The following ATF2 variants were observed in gnomAD, a reference collection of about 807,000 sequenced individuals.
ATF2 encodes the protein activating transcription factor 2, also known as cyclic AMP-dependent transcription factor ATF-2.
In ATF2, 24 loss-of-function variants were observed where a neutral mutation model predicts 60.6. The ratio of observed to expected loss-of-function variants is 0.40; its 90% CI spans 0.29 to 0.56. ATF2 has a LOEUF of 0.56. Among genes scored for constraint, ATF2 ranks in the 20% least tolerant of loss-of-function variants. ATF2 has a pLI of 0.54. For synonymous variants in ATF2, 206 were observed against 215.4 expected (o/e 0.96, Z 0.38); for missense variants, 433 against 607.7 (o/e 0.71, Z 3.02).
intron 2 of ATF2, among the ~76,000 whole-genome samples, chr2:175,142,708 AGAGAGAGAGAGAGTGTGTGT>A (rs1698639646): frequency 7.9e-6 from 1 of 126,936 alleles, no homozygotes; most frequent in African/African-American, 2.8e-5. Flanking sequence ...AGAGAGAGAG[AGAGAGAGAGAGAGTGTGTGT>A]GTGTGTGTGT....
chr2:175,153,003 G>C (rs999866178), intron 1 of ATF2, among the ~76,000 whole-genome samples: 4 of 152,152 alleles, frequency 2.6e-5, no homozygotes, highest in African/African-American at 9.7e-5. Flanking sequence ...TCTTATTTCA[G>C]CAGTTACTCA....
intron 11 of ATF2, among the ~76,000 whole-genome samples, chr2:175,095,183 C>A (rs187806433): frequency 2.0e-5 from 3 of 151,780 alleles, no homozygotes; most frequent in African/African-American, 7.3e-5. Context: ...CTACAACTTC[C>A]GCCTCCTGGG....
At chr2:175,088,776 A>G (rs1694343392) in intron 12 of ATF2, among the ~76,000 whole-genome samples, 1 of 152,144 alleles carries the variant, frequency 6.6e-6, no homozygotes, top group Non-Finnish European at 1.5e-5. Context: ...CTACATTTAT[A>G]AACTGAAAAT....
chr2:175,160,473 A>G (rs1282832797), intron 1 of ATF2, among the ~76,000 whole-genome samples: 1 of 152,230 alleles, frequency 6.6e-6, no homozygotes, highest in Non-Finnish European at 1.5e-5. Flanking sequence ...AAAGTATGTC[A>G]AAATTCAAGT....
chr2:175,098,128 T>C (rs1695063545), intron 10 of ATF2, among the ~76,000 whole-genome samples: 1 of 152,250 alleles, frequency 6.6e-6, no homozygotes, highest in African/African-American at 2.4e-5. Flanking sequence ...GTAAGCTCTC[T>C]AAGAGCAGAG....
At position 175,114,860 on chromosome 2, in the gene ATF2, T is replaced by C. The variant is rs759363674; in HGVS notation, c.456A>G (p.Pro152=). ...ESTTSDEKEV[P]LAQTAQPTSA... ...ATGTGGGCTGTGCAGTTTGTGCCAA[T>C]GGTACTTCCTATTTAACAATGAGAT... Residue 152 remains proline (P), a synonymous_variant, in exon 8 of 14, where the codon CCA becomes CCG. Transcript: ENST00000264110. 1.2e-6 allele frequency: 2 copies of C among 1,611,374 alleles called. No individual in the cohort carries two copies. Among genetic ancestry groups the C allele is most frequent in the Admixed American group, 3.3e-5 (2 of 59,856 alleles).
chr2:175,158,220 AT>A (rs1483865106), intron 1 of ATF2, among the ~76,000 whole-genome samples: 1 of 150,204 alleles, frequency 6.7e-6, no homozygotes, highest in African/African-American at 2.5e-5. Context: ...AGACTAAAGT[AT>A]TTTGAATTCA....
chr2:175,132,981 G>C (rs1697844721), intron 3 of ATF2, among the ~76,000 whole-genome samples: 1 of 151,828 alleles, frequency 6.6e-6, no homozygotes, highest in African/African-American at 2.4e-5. Context: ...AGCTACTTGA[G>C]AGAGGCTGAG....
chr2:175,140,914 T>C (rs1698462677), intron 2 of ATF2, among the ~76,000 whole-genome samples: 1 of 142,710 alleles, frequency 7.0e-6, no homozygotes, highest in Non-Finnish European at 1.5e-5. Context: ...GGAGAATCCC[T>C]TGAGCCTAGG....
intron 4 of ATF2, among the ~76,000 whole-genome samples, chr2:175,127,397 T>C (rs1193198442): frequency 6.6e-6 from 1 of 152,078 alleles, no homozygotes; most frequent in African/African-American, 2.4e-5. Context: ...CAAATATATC[T>C]CCAAAACATA....
intron 10 of ATF2, among the ~76,000 whole-genome samples, chr2:175,106,605 G>A (rs1362995842): frequency 6.6e-6 from 1 of 151,742 alleles, no homozygotes; most frequent in East Asian, 1.9e-4. Context: ...GGAAGCTGGG[G>A]TAGGCAGATC....
intron 10 of ATF2, among the ~76,000 whole-genome samples, chr2:175,110,722 C>T (rs560209531): frequency 5.3e-5 from 8 of 152,222 alleles, no homozygotes; most frequent in Non-Finnish European, 1.0e-4. Flanking sequence ...TCTTGTGCCT[C>T]AGCCACCCGA....
intron 2 of ATF2, among the ~76,000 whole-genome samples, chr2:175,140,202 C>T (rs552354997): frequency 4.6e-5 from 7 of 152,126 alleles, no homozygotes; most frequent in East Asian, 1.9e-4. Context: ...ATCAGCTAGG[C>T]GAAAATGCCA....
chr2:175,135,305 A>C (rs978578442), intron 3 of ATF2, among the ~76,000 whole-genome samples: 3 of 152,174 alleles, frequency 2.0e-5, no homozygotes, highest in African/African-American at 7.2e-5. Flanking sequence ...AAGGTTGTTA[A>C]GGGTGGGGAC....
At chr2:175,080,536 A>T in intron 13 of ATF2, 124 bp downstream of exon 13, 1 of 713,794 alleles carries the variant, frequency 1.4e-6, no homozygotes, top group Non-Finnish European at 2.2e-6. Context: ...AACCTTACAG[A>T]AATTCTGATA....
At chr2:175,146,946 GA>G (rs904785781) in intron 2 of ATF2, among the ~76,000 whole-genome samples, 4 of 151,874 alleles carry the variant, frequency 2.6e-5, no homozygotes, top group Non-Finnish European at 5.9e-5. Context: ...CAGTAGTCAT[GA>G]AAAAAACACT....
At chr2:175,110,358 T>A (rs1308110356) in intron 10 of ATF2, among the ~76,000 whole-genome samples, 2 of 109,186 alleles carry the variant, frequency 1.8e-5, no homozygotes, top group African/African-American at 9.4e-5. Flanking sequence ...ATAAATAAAT[T>A]CAGCTCTGCA....
At chr2:175,133,188 C>T (rs1697868803) in intron 3 of ATF2, among the ~76,000 whole-genome samples, 1 of 151,792 alleles carries the variant, frequency 6.6e-6, no homozygotes, top group South Asian at 2.1e-4. Context: ...AATGAATAAA[C>T]AAGGCAGTCA....
chr2:175,157,704 G>C (rs1175724135), intron 1 of ATF2, among the ~76,000 whole-genome samples: 1 of 152,092 alleles, frequency 6.6e-6, no homozygotes, highest in Admixed American at 6.6e-5. Flanking sequence ...TCAAACATCT[G>C]TTATCATGGG....
Sources: gnomAD v4.1 joint callset for allele counts (sites outside exome capture counted in the v4.1 genomes callset) on GRCh38, gnomAD v4.1.1 for gene constraint, MANE v1.5 for transcripts, NCBI Gene and HGNC (gene_info 2026-07-23, HGNC 2026-07-21) for gene names.